Variants in CHN2 observed in about 807,000 individuals in gnomAD.
CHN2 encodes the protein beta-chimaerin.
CHN2 carries 35 observed loss-of-function variants against 56.3 expected under a neutral mutation model. That is an observed-to-expected ratio of 0.62 (90% CI 0.47 to 0.82). The LOEUF (loss-of-function observed/expected upper bound fraction) is 0.82. CHN2 is among the 40% of genes least tolerant of loss of function. CHN2 has a pLI of 0.00. For missense variants in CHN2, 491 were observed against 580.5 expected (o/e 0.85, Z 1.58); for synonymous variants, 210 against 212.8 (o/e 0.99, Z 0.12).
rs1277464193 is a variant in CHN2 at position 29,434,388 on chromosome 7, T to TC, written c.576+33560_576+33561insC. On this transcript the variant is annotated intron_variant, in intron 6 of 12. Coordinates refer to ENST00000222792, the MANE Select transcript of CHN2 (RefSeq NM_004067.4). ...CTTAGAACAACAGACCTTTTTTTTTTTTCTTCTCAATTCTGGAGGTGGTAA... is the reference window on the plus strand; with the variant it reads ...CTTAGAACAACAGACCTTTTTTTTTTCTTCTTCTCAATTCTGGAGGTGGTAA... Among the ~76,000 whole-genome samples the TC allele has an allele frequency of 5.3e-5, 8 of 152,152 alleles. No individual in the cohort carries two copies. In the East Asian group the frequency reaches 1.5e-3, roughly 29 times the overall value.
intron 7 of CHN2, among the ~76,000 whole-genome samples, chr7:29,489,223 G>C (rs1480234049): frequency 6.6e-6 from 1 of 152,134 alleles, no homozygotes; most frequent in African/African-American, 2.4e-5. Flanking sequence ...CTTATCTCGT[G>C]TAATATCATC....
intron 1 of CHN2, among the ~76,000 whole-genome samples, chr7:29,243,930 A>G (rs1040327344): frequency 7.9e-5 from 12 of 152,248 alleles, no homozygotes; most frequent in African/African-American, 2.9e-4. Flanking sequence ...CTGAACATTC[A>G]GTGCCTCTCT....
intron 3 of CHN2, among the ~76,000 whole-genome samples, chr7:29,374,170 C>T (rs918811962): frequency 9.2e-5 from 14 of 152,064 alleles, no homozygotes; most frequent in African/African-American, 3.4e-4. Flanking sequence ...AATGCCGACA[C>T]AATCAAGAAT....
intron 1 of CHN2, chr7:29,198,018 G>A: frequency 2.2e-6 from 1 of 456,260 alleles, no homozygotes; most frequent in Non-Finnish European, 4.4e-6. Flanking sequence ...TTTCTTTCTT[G>A]GGAAAGTTAT....
chr7:29,213,087 G>C, intron 1 of CHN2: 1 of 1,604,398 alleles, frequency 6.2e-7, no homozygotes, highest in South Asian at 1.1e-5. Context: ...CCAGTGACTT[G>C]GAGGCTGCCT....
At chr7:29,441,627 A>G (rs2128124109) in intron 6 of CHN2, among the ~76,000 whole-genome samples, 1 of 152,362 alleles carries the variant, frequency 6.6e-6, no homozygotes. Context: ...AGAAACTTCA[A>G]TCGATATTTT....
intron 1 of CHN2, chr7:29,336,048 CTG>C (rs2128908634): frequency 6.6e-6 from 1 of 152,320 alleles, no homozygotes; most frequent in South Asian, 2.1e-4. Context: ...AAGATACTCA[CTG>C]GGGACAGTCG....
intron 1 of CHN2, among the ~76,000 whole-genome samples, chr7:29,263,896 G>GT (rs1471046968): frequency 6.7e-6 from 1 of 148,236 alleles, no homozygotes; most frequent in Non-Finnish European, 1.5e-5. Flanking sequence ...AGTGAGGAGC[G>GT]TCTCCGCCCG....
chr7:29,460,626 G>C (rs538690676), intron 6 of CHN2, among the ~76,000 whole-genome samples: 1 of 152,346 alleles, frequency 6.6e-6, no homozygotes, highest in South Asian at 2.1e-4. Flanking sequence ...AAAGATCTGA[G>C]GGGCTCTGAT....
intron 7 of CHN2, among the ~76,000 whole-genome samples, chr7:29,483,267 C>A (rs574895467): frequency 6.6e-6 from 1 of 152,128 alleles, no homozygotes; most frequent in South Asian, 2.1e-4. Context: ...GGAACTTTGT[C>A]AAGAGGAATG....
At chr7:29,198,099 G>GT (rs1783888107) in intron 1 of CHN2, 1 of 453,874 alleles carries the variant, frequency 2.2e-6, no homozygotes, top group Non-Finnish European at 4.4e-6. Context: ...GATGTAGGAG[G>GT]TTTTCTTTCT....
chr7:29,212,369 A>G lies in CHN2; in HGVS notation c.49+17379A>G, dbSNP rs1389893627. 1.9e-6 allele frequency: 3 copies of G among 1,581,554 alleles called. No individual in the cohort carries two copies. The East Asian group carries it at 6.7e-5, about 35-fold the overall frequency. ...AAGCATCCGACTGTAAAGAATCTTA[A>G]CCTATGGCTGTGATTTGTGGGCCTG... is the stretch of plus-strand genomic sequence containing the variant. On this transcript the variant is annotated intron_variant, in intron 1 of 12. Transcript: ENST00000222792.
chr7:29,195,874 T>A (rs1220402187), intron 1 of CHN2, among the ~76,000 whole-genome samples: 1 of 152,140 alleles, frequency 6.6e-6, no homozygotes, highest in African/African-American at 2.4e-5. Flanking sequence ...TTTCTGAGTA[T>A]GACAGGTTTC....
In CHN2 at chr7:29,499,993, A is replaced by G; in HGVS notation, c.866A>G (p.Gln289Arg). The G allele has an allele frequency of 8.7e-6, 14 of 1,600,688 alleles. No homozygotes were observed. Among genetic ancestry groups the G allele is most frequent in the South Asian group, 1.1e-5 (1 of 88,524 alleles). ...LTTLVKAHNT[Q>R]RPMVVDICIR... ...ACACTTGTGAAGGCTCACAACACTC[A>G]GAGACCCATGGTGGTAGACATATGC... The change falls in exon 9 of 13, where the codon CAG becomes CGG. Residue 289 changes from glutamine to arginine, a missense_variant. By Grantham distance (43) the Gln-to-Arg change is conservative. Coordinates refer to ENST00000222792, the MANE Select transcript of CHN2 (RefSeq NM_004067.4).
chr7:29,332,606 A>G (rs1796313400), intron 1 of CHN2, among the ~76,000 whole-genome samples: 2 of 152,084 alleles, frequency 1.3e-5, no homozygotes, highest in African/African-American at 4.8e-5. Flanking sequence ...CATCCTCCAC[A>G]GTGTACTGTG....
chr7:29,424,588 C>T (rs1804660925), intron 6 of CHN2, among the ~76,000 whole-genome samples: 2 of 152,228 alleles, frequency 1.3e-5, no homozygotes, highest in Admixed American at 1.3e-4. Context: ...TGGCAGTGCA[C>T]AGGCCACATC....
chr7:29,372,943 G>A (rs532769036), intron 3 of CHN2, among the ~76,000 whole-genome samples: 6 of 152,202 alleles, frequency 3.9e-5, no homozygotes, highest in Non-Finnish European at 8.8e-5. Flanking sequence ...AATCGCTATA[G>A]TGAATATGGG....
At chr7:29,446,794 CAG>C (rs1431367352) in intron 6 of CHN2, among the ~76,000 whole-genome samples, 2 of 152,152 alleles carry the variant, frequency 1.3e-5, no homozygotes, top group African/African-American at 2.4e-5. Flanking sequence ...TTAGAGGAAA[CAG>C]TGTTGACATT....
At chr7:29,273,626 A>C (rs1052493376) in intron 1 of CHN2, among the ~76,000 whole-genome samples, 6 of 151,744 alleles carry the variant, frequency 4.0e-5, no homozygotes, top group Non-Finnish European at 5.9e-5. Flanking sequence ...ACCAGTCTAC[A>C]TTCCCCCCAA....
Sources: gnomAD v4.1 joint callset for allele counts (sites outside exome capture counted in the v4.1 genomes callset) on GRCh38, gnomAD v4.1.1 for gene constraint, MANE v1.5 for transcripts, NCBI Gene and HGNC (gene_info 2026-07-23, HGNC 2026-07-21) for gene names.